The following ADD2 variants were observed in gnomAD, a reference collection of about 807,000 sequenced individuals.
ADD2 encodes beta-adducin.
In ADD2, 23 loss-of-function variants were observed where a neutral mutation model predicts 83.0. That is an observed-to-expected ratio of 0.28 (90% CI 0.20 to 0.39). ADD2 has a LOEUF of 0.39. Among genes scored for constraint, ADD2 ranks in the 10% least tolerant of loss-of-function variants. The pLI, the probability that ADD2 is intolerant of heterozygous loss-of-function variation, is 1.00. For synonymous variants in ADD2, 375 were observed against 375.4 expected (o/e 1.00, Z 0.01); for missense variants, 758 against 944.9 (o/e 0.80, Z 2.59).
At chr2:70,753,570 G>A (rs1553383316) in intron 1 of ADD2, among the ~76,000 whole-genome samples, 1 of 152,054 alleles carries the variant, frequency 6.6e-6, no homozygotes, top group East Asian at 1.9e-4. Flanking sequence ...ACCCAGAGCA[G>A]CATGTCAGGG....
chr2:70,727,893 C>A (rs1574295436), intron 1 of ADD2, among the ~76,000 whole-genome samples: 2 of 140,394 alleles, frequency 1.4e-5, no homozygotes, highest in South Asian at 4.8e-4. Flanking sequence ...GAGACTCTGT[C>A]AATAAATAAA....
At chr2:70,679,000 A>T in intron 10 of ADD2, 39 bp from the exon 11 acceptor site, 1 of 1,557,424 alleles carries the variant, frequency 6.4e-7, no homozygotes, top group Non-Finnish European at 8.7e-7. Flanking sequence ...TGGGGTGAGA[A>T]AAAAGGCCTG....
At chr2:70,761,825 C>T (rs1442246029) in intron 1 of ADD2, among the ~76,000 whole-genome samples, 4 of 150,988 alleles carry the variant, frequency 2.6e-5, no homozygotes, top group Admixed American at 2.6e-4. Flanking sequence ...GTGCCCGCCA[C>T]CACGCCTGGC....
intron 1 of ADD2, among the ~76,000 whole-genome samples, chr2:70,753,879 A>G (rs1553383377): frequency 6.6e-6 from 1 of 152,216 alleles, no homozygotes; most frequent in Non-Finnish European, 1.5e-5. Context: ...AGAGGCATAA[A>G]TCACAAGAAA....
chr2:70,741,887 C>G (rs1673936156), intron 1 of ADD2, among the ~76,000 whole-genome samples: 2 of 152,176 alleles, frequency 1.3e-5, no homozygotes. Flanking sequence ...CCAGCTCCTC[C>G]CCCACACATC....
intron 2 of ADD2, among the ~76,000 whole-genome samples, chr2:70,711,912 C>T (rs893815688): frequency 2.0e-5 from 3 of 152,182 alleles, no homozygotes; most frequent in African/African-American, 7.2e-5. Flanking sequence ...CCAGTTGTGG[C>T]TGGTGCCTGA....
intron 11 of ADD2, 21 bp from the exon 12 acceptor site, chr2:70,677,898 G>A: frequency 6.2e-7 from 1 of 1,613,990 alleles, no homozygotes; most frequent in Non-Finnish European, 8.5e-7. Context: ...ACAAGGTCAT[G>A]GGGCTGAGGT....
intron 4 of ADD2, 58 bp downstream of exon 4, chr2:70,704,263 T>TGGGCCCC: frequency 3.3e-6 from 3 of 913,236 alleles, no homozygotes; most frequent in Non-Finnish European, 3.4e-6. Flanking sequence ...CTCCCTCTCT[T>TGGGCCCC]CCCCACCCCA....
intron 1 of ADD2, chr2:70,717,874 T>C (rs1390108046): frequency 6.6e-6 from 1 of 152,256 alleles, no homozygotes; most frequent in Non-Finnish European, 1.5e-5. Flanking sequence ...TTTTTTCAAA[T>C]GCTTCTGAAT....
rs140329838 is a variant in ADD2 at position 70,692,931 on chromosome 2, A to G, written c.556-379T>C. ...ACACATGGGGTAGCAAAGTGCTAGA[A>G]AAGAGTCATGCACAGAATTCTCTAG... is the stretch of plus-strand genomic sequence containing the variant. On this transcript the variant is annotated intron_variant, in intron 6 of 15. Coordinates refer to ENST00000264436, the MANE Select transcript of ADD2 (RefSeq NM_001617.4). 2.1e-3 allele frequency among the ~76,000 whole-genome samples: 317 copies of G among 152,256 alleles called. 4 individuals carry two copies. Among genetic ancestry groups the G allele is most frequent in the East Asian group, 1.7e-3 (9 of 5,174 alleles).
intron 4 of ADD2, among the ~76,000 whole-genome samples, chr2:70,699,242 G>GT (rs1300146362): frequency 1.3e-5 from 2 of 151,884 alleles, no homozygotes; most frequent in African/African-American, 4.8e-5. Flanking sequence ...TTTCTGAACT[G>GT]TAAAAAAAAA....
Position 70,716,434 on chromosome 2 carries a change from T to C in ADD2, c.-153-3250A>G, listed in dbSNP as rs1672472801. 3.3e-5 allele frequency among the ~76,000 whole-genome samples: 5 copies of C among 152,084 alleles called. 1 individual carries two copies. The South Asian group carries it at 8.3e-4, about 25-fold the overall frequency. On this transcript the variant is annotated intron_variant, in intron 1 of 15. Coordinates refer to ENST00000264436, the MANE Select transcript of ADD2 (RefSeq NM_001617.4). ...CTCTTCACCTCCTCCCTGCATTTCA[T>C]GTGTCCTCTCCTCTGGCAGCCTGCC... is the stretch of plus-strand genomic sequence containing the variant.
rs72903822 is a variant in ADD2 at position 70,742,282 on chromosome 2, T to G, written c.-154+25604A>C. ...TATTTTTTAGAGAGTAAAACCCATTTGTGTCTGCTCACATGAAAATGTATA... is the reference window on the plus strand; with the variant it reads ...TATTTTTTAGAGAGTAAAACCCATTGGTGTCTGCTCACATGAAAATGTATA... On this transcript the variant is annotated intron_variant, in intron 1 of 15. Coordinates refer to ENST00000264436, the MANE Select transcript of ADD2 (RefSeq NM_001617.4). Among the ~76,000 whole-genome samples the G allele has an allele frequency of 9.8e-3, 1,497 of 152,328 alleles. 20 individuals carry two copies. The highest frequency in any genetic ancestry group is 0.035 in the African/African-American group (1,442 of 41,554).
At chr2:70,685,205 T>C (rs922344361) in intron 9 of ADD2, among the ~76,000 whole-genome samples, 4 of 152,224 alleles carry the variant, frequency 2.6e-5, no homozygotes, top group Non-Finnish European at 5.9e-5. Flanking sequence ...TATTTTTTAC[T>C]GGAAATGAAA....
chr2:70,731,671 C>A (rs550584283), intron 1 of ADD2, among the ~76,000 whole-genome samples: 1 of 152,160 alleles, frequency 6.6e-6, no homozygotes, highest in South Asian at 2.1e-4. Context: ...TCCTCAAGGC[C>A]CAATGATCAT....
Position 70,659,155 on chromosome 2 carries a change from A to T in ADD2, c.*4270T>A, listed in dbSNP as rs1306242415. 2.0e-5 allele frequency: 3 copies of T among 151,052 alleles called. No individual in the cohort carries two copies. The highest frequency in any genetic ancestry group is 4.4e-5 in the Non-Finnish European group (3 of 67,728). The allele number at this position is 151,052 out of a possible 1,614,324, so 9.4% of individuals were successfully genotyped here. On this transcript the variant is annotated 3_prime_UTR_variant, in exon 16 of 16. Transcript: ENST00000264436. Reference sequence around the variant, plus strand: ...GAGCAAAGCTCCGTCTAAAAAAAAAAAAAAAAAAAAAAAAAAAGAAAGAAA... The same window carrying T: ...GAGCAAAGCTCCGTCTAAAAAAAAATAAAAAAAAAAAAAAAAAGAAAGAAA...
At chr2:70,663,869 G>T in intron 15 of ADD2, 134 bp from the exon 16 acceptor site, 1 of 946,196 alleles carries the variant, frequency 1.1e-6, no homozygotes, top group Non-Finnish European at 1.5e-6. Context: ...CTGATGTTGA[G>T]GGATGGCTAC....
intron 1 of ADD2, among the ~76,000 whole-genome samples, chr2:70,719,038 G>C (rs570011212): frequency 4.2e-4 from 64 of 152,300 alleles, no homozygotes; most frequent in African/African-American, 1.4e-3. Context: ...ATGGGGATTA[G>C]GAGGCAAGGA....
chr2:70,663,275 G>C lies in ADD2; in HGVS notation c.*150C>G, dbSNP rs1176955082. ...TCTCTTGGGCAACTGTAAAACGAAG[G>C]GTTGGTCGGGTGATCTCTAAGTTCC... is the stretch of plus-strand genomic sequence containing the variant. On this transcript the variant is annotated 3_prime_UTR_variant, in exon 16 of 16. Transcript: ENST00000264436. 1.1e-6 allele frequency: 1 copy of C among 886,600 alleles called. No homozygotes were observed. Among genetic ancestry groups the C allele is most frequent in the African/African-American group, 1.7e-5 (1 of 59,262 alleles). 54.9% of individuals were successfully genotyped at this position (886,600 alleles called of 1,614,324 possible).
Sources: allele counts gnomAD v4.1 joint callset (sites outside exome capture counted in the v4.1 genomes callset), GRCh38; gene constraint gnomAD v4.1.1; transcripts MANE v1.5; gene names NCBI Gene and HGNC (gene_info 2026-07-23, HGNC 2026-07-21).